B4GALT1: variants seen among roughly 807,000 people sequenced by gnomAD.
B4GALT1 encodes N-acetyllactosamine synthase.
Under a neutral mutation model 34.9 loss-of-function variants are expected in B4GALT1, and 16 were observed. The ratio of observed to expected loss-of-function variants is 0.46; its 90% confidence interval spans 0.31 to 0.70. The LOEUF (loss-of-function observed/expected upper bound fraction) is 0.70. B4GALT1 is among the 30% of genes least tolerant of loss of function. The pLI is 0.05. For missense variants in B4GALT1, 445 were observed against 530.5 expected, an observed-to-expected ratio of 0.84 and a Z score of 1.58; for synonymous variants, 221 against 218.1, an observed-to-expected ratio of 1.01 and a Z score of -0.12.
chr9:33,118,659 ACT>A (rs760107964), intron 3 of B4GALT1, among the ~76,000 whole-genome samples: 17 of 151,754 alleles, frequency 1.1e-4, no homozygotes, highest in East Asian at 3.9e-4. Context: ...GACAAGCAAG[ACT>A]CTGTCTCAAA....
intron 4 of B4GALT1, among the ~76,000 whole-genome samples, chr9:33,115,156 T>C (rs1287677785): frequency 1.3e-5 from 2 of 152,258 alleles, no homozygotes; most frequent in African/African-American, 2.4e-5. Context: ...CTTCAAGGCT[T>C]ATATTGAAGA....
upstream of B4GALT1, among the ~76,000 whole-genome samples, chr9:33,169,681 G>A (rs149502758): frequency 1.1e-4 from 16 of 150,710 alleles, no homozygotes; most frequent in East Asian, 2.0e-3. Flanking sequence ...CCATCACGCC[G>A]GGCTAATTTT....
intron 1 of B4GALT1, among the ~76,000 whole-genome samples, chr9:33,146,415 T>C (rs1362138407): frequency 1.3e-5 from 2 of 152,256 alleles, no homozygotes; most frequent in Non-Finnish European, 2.9e-5. Context: ...TAGAATGGTC[T>C]AGGCATCTGG....
chr9:33,173,748 G>T, the B4GALT1 span, among the ~76,000 whole-genome samples: 11 of 152,174 alleles, frequency 7.2e-5, no homozygotes, highest in African/African-American at 2.6e-4. Context: ...AAGGCTGATT[G>T]CTGATTCCAG....
chr9:33,134,772 G>A (rs913215), intron 2 of B4GALT1, among the ~76,000 whole-genome samples: 149,262 of 152,310 alleles, frequency 0.98, 73,182 homozygotes, highest in East Asian at 1. Context: ...CAGGAGACAC[G>A]CTCTGACTGA....
chr9:33,173,866 T>C, the B4GALT1 span, among the ~76,000 whole-genome samples: 2 of 152,166 alleles, frequency 1.3e-5, no homozygotes, highest in East Asian at 3.8e-4. Flanking sequence ...GAAATCAGTT[T>C]GAAGGGGCTC....
chr9:33,130,730 G>A (rs1840182507), intron 2 of B4GALT1, among the ~76,000 whole-genome samples: 1 of 151,724 alleles, frequency 6.6e-6, no homozygotes, highest in Admixed American at 6.6e-5. Context: ...GCCCGGGATG[G>A]CCTCTGAGAT....
chr9:33,123,402 G>A (rs1407811482), intron 2 of B4GALT1, among the ~76,000 whole-genome samples: 1 of 151,990 alleles, frequency 6.6e-6, no homozygotes, highest in African/African-American at 2.4e-5. Context: ...ACAAGGCATG[G>A]ATAAGTGTTT....
chr9:33,169,495 C>A (rs1196914725), upstream of B4GALT1, among the ~76,000 whole-genome samples: 2 of 151,642 alleles, frequency 1.3e-5, no homozygotes, highest in Non-Finnish European at 2.9e-5. Context: ...GGCCTCCTGC[C>A]CAAATCTGCT....
At chr9:33,155,686 C>T (rs1338179931) in intron 1 of B4GALT1, among the ~76,000 whole-genome samples, 4 of 152,222 alleles carry the variant, frequency 2.6e-5, no homozygotes, top group Admixed American at 2.6e-4. Context: ...GTCAGAGCCT[C>T]ACGCCTCTTC....
intron 3 of B4GALT1, among the ~76,000 whole-genome samples, chr9:33,119,314 T>C (rs1201153645): frequency 1.3e-5 from 2 of 152,252 alleles, no homozygotes; most frequent in South Asian, 2.1e-4. Context: ...AATACGCTAG[T>C]CGGGCATCTG....
chr9:33,161,190 T>C (rs1840670362), intron 1 of B4GALT1, among the ~76,000 whole-genome samples: 1 of 152,150 alleles, frequency 6.6e-6, no homozygotes, highest in African/African-American at 2.4e-5. Flanking sequence ...TGGCCTTCAT[T>C]TGTGCAGGGA....
At chr9:33,163,633 A>G (rs536530676) in intron 1 of B4GALT1, among the ~76,000 whole-genome samples, 1 of 152,182 alleles carries the variant, frequency 6.6e-6, no homozygotes, top group Non-Finnish European at 1.5e-5. Context: ...AGTCCCATTG[A>G]GCTGCTGCCC....
intron 1 of B4GALT1, among the ~76,000 whole-genome samples, chr9:33,157,573 C>T (rs141714133): frequency 3.3e-5 from 5 of 152,262 alleles, no homozygotes; most frequent in East Asian, 3.9e-4. Context: ...TTTCACTCTA[C>T]AACTGCATTG....
intron 3 of B4GALT1, among the ~76,000 whole-genome samples, chr9:33,116,793 G>C (rs1231541865): frequency 7.0e-6 from 1 of 142,894 alleles, no homozygotes; most frequent in Admixed American, 6.9e-5. Context: ...AAAGTGCTGG[G>C]ATCACAGGCA....
chr9:33,114,506 C>G (rs1839911703), intron 4 of B4GALT1, among the ~76,000 whole-genome samples: 1 of 151,014 alleles, frequency 6.6e-6, no homozygotes, highest in South Asian at 2.1e-4. Flanking sequence ...TGAAAGGGGC[C>G]TAATATACAG....
rs1839878901 is a variant in B4GALT1 at position 33,112,577 on chromosome 9, A to C, written c.*877T>G. 6.6e-6 allele frequency: 1 copy of C among 152,658 alleles called. No individual in the cohort carries two copies. The highest frequency in any genetic ancestry group is 2.4e-5 in the African/African-American group (1 of 41,452). The allele number at this position is 152,658 out of a possible 1,614,324, so 9.5% of individuals were successfully genotyped here. On this transcript the variant is annotated 3_prime_UTR_variant, in exon 6 of 6. Transcript: ENST00000379731. ...CTCAATACCCCTCCCCATATTTAAA[A>C]CACCACAATAAAAATACATAGGAAA... is the stretch of plus-strand genomic sequence containing the variant.
At chr9:33,129,297 G>A (rs1840158741) in intron 2 of B4GALT1, among the ~76,000 whole-genome samples, 1 of 152,224 alleles carries the variant, frequency 6.6e-6, no homozygotes, top group Non-Finnish European at 1.5e-5. Context: ...GGTATTAATA[G>A]GTTTTCTGCA....
chr9:33,174,469 C>G, the B4GALT1 span, among the ~76,000 whole-genome samples: 75 of 150,864 alleles, frequency 5.0e-4, no homozygotes, highest in African/African-American at 1.7e-3. Context: ...GCCAACACGG[C>G]GAAACCCCAT....
Sources: gnomAD v4.1 joint callset for allele counts (sites outside exome capture counted in the v4.1 genomes callset) on GRCh38, gnomAD v4.1.1 for gene constraint, MANE v1.5 for transcripts, NCBI Gene and HGNC (gene_info 2026-07-23, HGNC 2026-07-21) for gene names.